NAALADL1: variants seen among roughly 807,000 people sequenced by gnomAD.
NAALADL1 encodes N-acetylated alpha-linked acidic dipeptidase like 1.
Under a neutral mutation model 82.8 loss-of-function variants are expected in NAALADL1, and 77 were observed. The observed-to-expected ratio is 0.93, with a 90% confidence interval of 0.77 to 1.12. NAALADL1 has a LOEUF of 1.12. Ranked by LOEUF, NAALADL1 falls within the 50% of genes most tolerant of loss-of-function variation. The probability of loss-of-function intolerance (pLI) is 0.00; values close to 1 mark genes in which losing one functional copy is unlikely to be tolerated. For missense variants in NAALADL1, 956 were observed against 964.0 expected (o/e 0.99, Z 0.11); for synonymous variants, 358 against 399.2 (o/e 0.90, Z 1.23).
rs1173007736 is a variant in NAALADL1, at chr11:65,046,043, G to A, written c.1927C>T (p.Gln643Ter). Residue 643 changes from glutamine to a stop codon, truncating the protein, a stop_gained, in exon 16 of 18, where the codon CAG becomes TAG. Transcript: ENST00000358658. LOFTEE classifies it high-confidence loss of function. The stretch of plus-strand genomic sequence containing the variant: ...CTTGCTCACTCAGGGCTGCCCTTCT[G>A]CAGTGTTGATATGCGTTGGCCCAAG... Reference protein sequence around the residue: ...AALGQRISTLQKGSPDPLQVR... With the variant: ...AALGQRISTL 1 of 1,613,962 alleles carries A rather than the reference G, an allele frequency of 6.2e-7. No homozygotes were observed. The highest frequency in any genetic ancestry group is 8.5e-7 in the Non-Finnish European group (1 of 1,180,006).
At chr11:65,058,049 G>A in intron 2 of NAALADL1, 29 bp downstream of exon 2, 3 of 1,612,696 alleles carry the variant, frequency 1.9e-6, no homozygotes, top group Non-Finnish European at 2.5e-6. Context: ...CCCACCCCCG[G>A]GCATTCCCAA....
intron 17 of NAALADL1, 111 bp from the exon 18 acceptor site, chr11:65,045,568 C>G: frequency 1.7e-6 from 2 of 1,194,488 alleles, no homozygotes; most frequent in Admixed American, 5.6e-5. Context: ...GAAAAGCACC[C>G]CCGTCCACTT....
intron 4 of NAALADL1, among the ~76,000 whole-genome samples, chr11:65,056,045 C>T (rs531749238): frequency 4.6e-5 from 7 of 152,008 alleles, no homozygotes; most frequent in Middle Eastern, 3.4e-3. Context: ...CCACCATGAG[C>T]GGCTATTTTT....
chr11:65,045,285 C>T lies in NAALADL1; in HGVS notation c.2209G>A (p.Val737Met). Residue 737 changes from valine to methionine, a missense_variant, in exon 18 of 18, where the codon GTG (valine) becomes ATG (methionine). Coordinates refer to ENST00000358658, the MANE Select transcript of NAALADL1 (RefSeq NM_005468.3). Reference sequence around the variant, plus strand: ...GAGGGCTGGGGTCAGAGGTCAGCCACAGGCCTCAGGGTGGCTGCCGCACCC... The same window carrying T: ...GAGGGCTGGGGTCAGAGGTCAGCCATAGGCCTCAGGGTGGCTGCCGCACCC... ...LEGAAATLRP[V>M]ADL 6.2e-7 allele frequency: 1 copy of T among 1,605,818 alleles called. No homozygotes were observed. The highest frequency in any genetic ancestry group is 2.2e-5 in the East Asian group (1 of 44,632).
At chr11:65,047,441 G>T in intron 13 of NAALADL1, 34 bp downstream of exon 13, 1 of 1,534,158 alleles carries the variant, frequency 6.5e-7, no homozygotes, top group Non-Finnish European at 8.8e-7. Flanking sequence ...ATGCAGCAAG[G>T]TACCGAGGCA....
chr11:65,048,558 G>A (rs935120096), intron 8 of NAALADL1, 173 bp from the exon 9 acceptor site: 12 of 666,196 alleles, frequency 1.8e-5, no homozygotes, highest in Non-Finnish European at 3.1e-5. Flanking sequence ...ACCAAACACT[G>A]ACCCCAACTC....
chr11:65,047,649 G>T lies in NAALADL1; in HGVS notation c.1506C>A (p.Pro502=), dbSNP rs1161528344. The T allele has an allele frequency of 6.2e-7, 1 of 1,603,516 alleles. No individual in the cohort carries two copies. The highest frequency in any genetic ancestry group is 8.5e-7 in the Non-Finnish European group (1 of 1,176,112). The part of the protein sequence containing the change: ...NRSSPVYGLV[P]SLGSLGAGSD... ...CCCCCTTCTGTCCCTGGGCTTACCTGGGGACCAGGCCGTACACCGGGCTGC... is the reference window on the plus strand; with the variant it reads ...CCCCCTTCTGTCCCTGGGCTTACCTTGGGACCAGGCCGTACACCGGGCTGC... Residue 502 remains proline, a splice_region_variant and synonymous_variant, in exon 12 of 18, where the codon CCC becomes CCA. Coordinates refer to ENST00000358658, the MANE Select transcript of NAALADL1 (RefSeq NM_005468.3).
At chr11:65,045,800 C>T (rs1389011124) in intron 17 of NAALADL1, 22 bp downstream of exon 17, 2 of 1,611,776 alleles carry the variant, frequency 1.2e-6, no homozygotes, top group Middle Eastern at 1.7e-4. Context: ...AGGCACCTCC[C>T]AGGACTCTGG....
At chr11:65,057,853 G>T (rs1390878558) in intron 3 of NAALADL1, 22 bp downstream of exon 3, 3 of 1,612,678 alleles carry the variant, frequency 1.9e-6, no homozygotes, top group Non-Finnish European at 2.5e-6. Context: ...GGCCAGAGCA[G>T]TAGGGGGGGT....
chr11:65,057,317 A>G (rs1947065379), intron 4 of NAALADL1, 54 bp downstream of exon 4: 1 of 1,535,472 alleles, frequency 6.5e-7, no homozygotes, highest in Non-Finnish European at 8.8e-7. Context: ...CCTCCAGTCC[A>G]CTGCCCAGCC....
chr11:65,047,403 G>A, intron 13 of NAALADL1, 72 bp downstream of exon 13: 1 of 1,349,328 alleles, frequency 7.4e-7, no homozygotes, highest in Non-Finnish European at 1.0e-6. Flanking sequence ...GTCTGTATGA[G>A]AACAGCCACA....
rs1311640347 is a variant in NAALADL1 at position 65,045,300 on chromosome 11, C to T, written c.2194G>A (p.Ala732Thr). 1 of 1,608,754 alleles carries T rather than the reference C, an allele frequency of 6.2e-7. No homozygotes were observed. The highest frequency in any genetic ancestry group is 2.2e-5 in the East Asian group (1 of 44,712). Residue 732 changes from alanine (A) to threonine (T), a missense_variant, in exon 18 of 18, where the codon GCC (alanine) becomes ACC (threonine). Transcript: ENST00000358658. ...IVVTALEGAA[A>T]TLRPVADL is the part of the protein sequence containing the mutation. ...AGGTCAGCCACAGGCCTCAGGGTGG[C>T]TGCCGCACCCTCCAGGGCTGTCACC... is the stretch of plus-strand genomic sequence containing the variant.
intron 4 of NAALADL1, among the ~76,000 whole-genome samples, chr11:65,055,792 CTTTT>C (rs1353643714): frequency 1.3e-5 from 2 of 151,710 alleles, no homozygotes; most frequent in African/African-American, 4.8e-5. Context: ...GTTCCCCTTT[CTTTT>C]TCTTTTCCTT....
At chr11:65,052,451 C>G (rs1314012607) in intron 8 of NAALADL1, among the ~76,000 whole-genome samples, 2 of 152,108 alleles carry the variant, frequency 1.3e-5, no homozygotes. Flanking sequence ...GTAGCAGGGA[C>G]TACAGGTGCA....
rs1262100517 is a variant in NAALADL1, at chr11:65,053,053, G to A, written c.1198+165C>T. Among the ~76,000 whole-genome samples the A allele has an allele frequency of 6.6e-6, 1 of 152,230 alleles. No homozygotes were observed. The highest frequency in any genetic ancestry group is 1.5e-5 in the Non-Finnish European group (1 of 68,046). On this transcript the variant is annotated intron_variant, in intron 8 of 17. Coordinates refer to ENST00000358658, the MANE Select transcript of NAALADL1 (RefSeq NM_005468.3). This position sits in a 1 kb window ranked among gnomAD's most constrained non-coding sequence, Gnocchi z 4.3. ...TGAATCAACCCACAGTCTATTCCCT[G>A]TACCACACTGGGCTGCTGCAGGCCA...
rs573942117 is a variant in NAALADL1, at chr11:65,056,612, G to A, written c.603+759C>T. Among the ~76,000 whole-genome samples, 4 of 151,934 alleles carry A rather than the reference G, an allele frequency of 2.6e-5. No individual in the cohort carries two copies. In the East Asian group the frequency reaches 7.7e-4, roughly 29 times the overall value. On this transcript the variant is annotated intron_variant, in intron 4 of 17. Coordinates refer to ENST00000358658, the MANE Select transcript of NAALADL1 (RefSeq NM_005468.3). ...AGTAGAGATGGGGTTTCACCGTGTT[G>A]CCCAGGCTGGTCTTGAACTCCTGAA...
intron 8 of NAALADL1, among the ~76,000 whole-genome samples, chr11:65,050,206 C>A (rs569963408): frequency 4.0e-5 from 6 of 151,540 alleles, no homozygotes; most frequent in African/African-American, 1.2e-4. Context: ...GGGGCTGGCG[C>A]GGTGACTCAC....
At position 65,044,837 on chromosome 11, in the gene NAALADL1, T is replaced by A; in HGVS notation, c.*434A>T. 8.3e-7 allele frequency: 1 copy of A among 1,211,436 alleles called. No individual in the cohort carries two copies. The highest frequency in any genetic ancestry group is 1.1e-6 in the Non-Finnish European group (1 of 890,046). The allele number at this position is 1,211,436 out of a possible 1,614,324, so 75.0% of individuals were successfully genotyped here. A position where few individuals can be genotyped will look rare whatever the true frequency, so the allele number is the denominator to read the frequency against. ...AACTTGTTTTGTTGGTACCAGTCAC[T>A]AGATGTGATTTATTTGAGGGGCTGT... On this transcript the variant is annotated 3_prime_UTR_variant, in exon 18 of 18. Coordinates refer to ENST00000358658, the MANE Select transcript of NAALADL1 (RefSeq NM_005468.3). This position sits in a 1 kb window ranked among gnomAD's most constrained non-coding sequence, Gnocchi z 4.0.
At position 65,057,388 on chromosome 11, in the gene NAALADL1, C is replaced by T. The variant is rs764028384; in HGVS notation, c.586G>A (p.Val196Ile). The change falls in exon 4 of 18, where the codon GTA becomes ATA. Residue 196 changes from valine (V) to isoleucine (I), a missense_variant. Transcript: ENST00000358658. ...GTIALTRYGG[V>I]GRGAKAVNAA... is the part of the protein sequence containing the mutation. Reference sequence around the variant, plus strand: ...CCACTCACCTTGGCCCCACGCCCTACACCCCCATATCGAGTCAGGGCAATG... The same window carrying T: ...CCACTCACCTTGGCCCCACGCCCTATACCCCCATATCGAGTCAGGGCAATG... The T allele has an allele frequency of 1.5e-5, 25 of 1,613,430 alleles. No homozygotes were observed. Among genetic ancestry groups the T allele is most frequent in the African/African-American group, 2.7e-5 (2 of 74,932 alleles).
Sources: gnomAD v4.1 joint callset for allele counts (sites outside exome capture counted in the v4.1 genomes callset) on GRCh38, gnomAD v4.1.1 for gene constraint, Gnocchi (gnomAD v3.1) non-coding constraint, MANE v1.5 for transcripts, NCBI Gene and HGNC (gene_info 2026-07-23, HGNC 2026-07-21) for gene names.